ARHGAP26: variants seen among roughly 807,000 people sequenced by gnomAD.
The protein encoded by ARHGAP26 is rho GTPase-activating protein 26.
Under a neutral mutation model 104.8 loss-of-function variants are expected in ARHGAP26, and 38 were observed. That is an observed-to-expected ratio of 0.36 (90% CI 0.28 to 0.48). The LOEUF is 0.48. Among genes scored for constraint, ARHGAP26 ranks in the 20% least tolerant of loss-of-function variants. The pLI is 0.99. For synonymous variants in ARHGAP26, 341 were observed against 340.0 expected (o/e 1.00, Z -0.03); for missense variants, 704 against 947.9 (o/e 0.74, Z 3.38).
intron 1 of ARHGAP26, among the ~76,000 whole-genome samples, chr5:142,833,761 A>C (rs1394427892): frequency 6.6e-6 from 1 of 152,206 alleles, no homozygotes; most frequent in African/African-American, 2.4e-5. Context: ...ACCCCTACAG[A>C]GTCTGTGTAA....
chr5:142,901,020 T>C (rs1760257576), intron 6 of ARHGAP26, among the ~76,000 whole-genome samples: 1 of 152,182 alleles, frequency 6.6e-6, no homozygotes, highest in African/African-American at 2.4e-5. Context: ...GGTTGAAGTT[T>C]AGAACTGAGG....
chr5:143,018,852 T>G (rs895014104), intron 12 of ARHGAP26, among the ~76,000 whole-genome samples: 3 of 152,208 alleles, frequency 2.0e-5, no homozygotes, highest in African/African-American at 7.2e-5. Context: ...ATAATAAGTT[T>G]AAGAAGTTTC....
intron 11 of ARHGAP26, among the ~76,000 whole-genome samples, chr5:143,002,575 C>T (rs930603347): frequency 6.6e-6 from 1 of 152,180 alleles, no homozygotes; most frequent in Non-Finnish European, 1.5e-5. Flanking sequence ...AGCCGTAAGA[C>T]TCCTCACACT....
chr5:143,071,383 A>G (rs1400573072), intron 17 of ARHGAP26, among the ~76,000 whole-genome samples: 1 of 152,182 alleles, frequency 6.6e-6, no homozygotes, highest in Non-Finnish European at 1.5e-5. Flanking sequence ...GGAAAGGATA[A>G]TCTCTTCAAT....
At chr5:142,848,734 A>G (rs1750932033) in intron 1 of ARHGAP26, among the ~76,000 whole-genome samples, 1 of 152,152 alleles carries the variant, frequency 6.6e-6, no homozygotes, top group African/African-American at 2.4e-5. Flanking sequence ...CATGGTTTTT[A>G]TATGTTAGGT....
chr5:143,039,926 A>G (rs935021913), intron 13 of ARHGAP26, among the ~76,000 whole-genome samples: 2 of 152,224 alleles, frequency 1.3e-5, no homozygotes, highest in African/African-American at 4.8e-5. Flanking sequence ...AAGAAGAAAT[A>G]AGGACAGTAT....
intron 20 of ARHGAP26, among the ~76,000 whole-genome samples, chr5:143,183,234 G>C (rs1262140720): frequency 1.3e-5 from 2 of 152,076 alleles, no homozygotes; most frequent in Non-Finnish European, 2.9e-5. Context: ...GAGGTGGGTT[G>C]GCATAGGGCC....
chr5:143,125,557 C>G (rs531762223), intron 18 of ARHGAP26, among the ~76,000 whole-genome samples: 9 of 152,206 alleles, frequency 5.9e-5, no homozygotes, highest in African/African-American at 2.2e-4. Flanking sequence ...TGGCACAATT[C>G]TGGGAAATAA....
chr5:142,993,157 G>GT (rs1775876359), intron 11 of ARHGAP26, among the ~76,000 whole-genome samples: 1 of 133,092 alleles, frequency 7.5e-6, no homozygotes, highest in African/African-American at 2.9e-5. Flanking sequence ...ATTTTTGTGT[G>GT]GTTTTTTTTT....
In ARHGAP26 at chr5:142,972,871, T is replaced by C. The variant is rs192242223; in HGVS notation, c.1107+40746T>C. 1.2e-3 allele frequency among the ~76,000 whole-genome samples: 190 copies of C among 152,296 alleles called. 1 individual carries two copies. Among genetic ancestry groups the C allele is most frequent in the African/African-American group, 4.3e-3 (177 of 41,548 alleles). On this transcript the variant is annotated intron_variant, in intron 11 of 22. Coordinates refer to ENST00000645722, the MANE Select transcript of ARHGAP26 (RefSeq NM_001135608.3). ...CTGTAAATTTGACCTTTATTCTTTT[T>C]TTTTTCAGATTTTACATATAATTGA...
intron 4 of ARHGAP26, among the ~76,000 whole-genome samples, chr5:142,884,076 T>A (rs1757369312): frequency 6.6e-6 from 1 of 152,242 alleles, no homozygotes; most frequent in Non-Finnish European, 1.5e-5. Context: ...AGGCTCCACA[T>A]GAGTCAAAAG....
At position 142,872,869 on chromosome 5, in the gene ARHGAP26, A is replaced by T. The variant is rs1177530849; in HGVS notation, c.155-531A>T. Among the ~76,000 whole-genome samples, 4 of 152,190 alleles carry T rather than the reference A, an allele frequency of 2.6e-5. No homozygotes were observed. In the East Asian group the frequency reaches 7.7e-4, roughly 29 times the overall value. Reference sequence around the variant, plus strand: ...CCTGGGCCTCGCCTGTGCTTGAGTCAGAAGAGGAAGGCCAGGTGCTATGGG... The same window carrying T: ...CCTGGGCCTCGCCTGTGCTTGAGTCTGAAGAGGAAGGCCAGGTGCTATGGG... On this transcript the variant is annotated intron_variant, in intron 1 of 22. Transcript: ENST00000645722.
At chr5:143,199,517 A>G (rs998328655) in intron 20 of ARHGAP26, among the ~76,000 whole-genome samples, 1 of 152,220 alleles carries the variant, frequency 6.6e-6, no homozygotes, top group African/African-American at 2.4e-5. Context: ...AAATGGGATT[A>G]GATTAGATAG....
Position 142,902,035 on chromosome 5 carries a change from A to G in ARHGAP26, c.698A>G (p.Gln233Arg). ...AAGACACAGTTAACCATTAGCATAC[A>G]GAACGTGAGTGGGCATAGGGACAGG... ...DFKTQLTISI[Q>R]NTRNRFEGTR... Residue 233 changes from glutamine to arginine, a missense_variant, in exon 7 of 23, where the codon CAG becomes CGG. By Grantham distance (43) the Gln-to-Arg change is conservative. Coordinates refer to ENST00000645722, the MANE Select transcript of ARHGAP26 (RefSeq NM_001135608.3). 6.2e-7 allele frequency: 1 copy of G among 1,613,248 alleles called. No homozygotes were observed. Among genetic ancestry groups the G allele is most frequent in the Middle Eastern group, 1.7e-4 (1 of 6,056 alleles).
intron 20 of ARHGAP26, among the ~76,000 whole-genome samples, chr5:143,182,895 C>T (rs902693060): frequency 6.6e-6 from 1 of 152,014 alleles, no homozygotes; most frequent in South Asian, 2.1e-4. Context: ...TATTGTAGTC[C>T]TCCTAATCCT....
At chr5:143,218,578 G>T (rs1365044551) in intron 22 of ARHGAP26, among the ~76,000 whole-genome samples, 1 of 152,210 alleles carries the variant, frequency 6.6e-6, no homozygotes, top group Non-Finnish European at 1.5e-5. Flanking sequence ...CATGAGTTGT[G>T]TACACAGGGA....
intron 11 of ARHGAP26, among the ~76,000 whole-genome samples, chr5:142,933,526 A>G (rs191623939): frequency 3.6e-4 from 55 of 152,318 alleles, no homozygotes; most frequent in African/African-American, 1.2e-3. Context: ...TTTCTCTCTT[A>G]GAGCCGAGAA....
At position 143,180,535 on chromosome 5, in the gene ARHGAP26, A is replaced by T. The variant is rs557230223; in HGVS notation, c.1989-26663A>T. On this transcript the variant is annotated intron_variant, in intron 20 of 22. Coordinates refer to ENST00000645722, the MANE Select transcript of ARHGAP26 (RefSeq NM_001135608.3). The stretch of plus-strand genomic sequence containing the variant: ...AGAAATACCTGAGACTGGGTGCTTT[A>T]TAAAGGAAAGAGGTTTAATTGACTT... Among the ~76,000 whole-genome samples the T allele has an allele frequency of 9.8e-5, 15 of 152,322 alleles. 1 individual carries two copies. In the East Asian group the frequency reaches 2.9e-3, roughly 29 times the overall value.
At chr5:142,890,151 A>AAAATATAT (rs1252590997) in intron 5 of ARHGAP26, among the ~76,000 whole-genome samples, 2 of 32,422 alleles carry the variant, frequency 6.2e-5, no homozygotes, top group African/African-American at 1.2e-4. Context: ...AAAAAAAAAA[A>AAAATATAT]ATATATATAT....
Sources: allele counts gnomAD v4.1 joint callset (sites outside exome capture counted in the v4.1 genomes callset), GRCh38; gene constraint gnomAD v4.1.1; transcripts MANE v1.5; gene names NCBI Gene and HGNC (gene_info 2026-07-23, HGNC 2026-07-21).